IFNG-AS1: variants seen among roughly 807,000 people sequenced by gnomAD.
The protein encoded by IFNG-AS1 is IFNG antisense RNA 1 (non-protein coding).
chr12:68,001,564 C>A, intron 2 of IFNG-AS1: 1 of 183,650 alleles, frequency 5.4e-6, no homozygotes, highest in South Asian at 1.2e-4. Context: ...GGAATGGAGT[C>A]AACCGCATAC....
chr12:67,989,456 G>C (rs1025140795), upstream of IFNG-AS1: 38 of 152,074 alleles, frequency 2.5e-4, no homozygotes, highest in Non-Finnish European at 4.6e-4. Flanking sequence ...TGCAATTTCA[G>C]GTAGCTTTTC....
intron 3 of IFNG-AS1, among the ~76,000 whole-genome samples, chr12:68,014,567 T>C (rs1306787462): frequency 6.6e-6 from 1 of 152,228 alleles, no homozygotes; most frequent in African/African-American, 2.4e-5. Flanking sequence ...TTTTTTCATA[T>C]GTTTGTTGGC....
intron 3 of IFNG-AS1, among the ~76,000 whole-genome samples, chr12:68,014,044 A>C (rs1288866900): frequency 1.3e-5 from 2 of 152,224 alleles, no homozygotes; most frequent in African/African-American, 4.8e-5. Flanking sequence ...TATGATGTTT[A>C]GTATTCCATT....
At chr12:67,998,527 G>C (rs928000566) in intron 2 of IFNG-AS1, among the ~76,000 whole-genome samples, 5 of 151,892 alleles carry the variant, frequency 3.3e-5, no homozygotes, top group Admixed American at 2.0e-4. Flanking sequence ...ACAGGAAGGA[G>C]TTGGGGTGCA....
intron 2 of IFNG-AS1, among the ~76,000 whole-genome samples, chr12:67,997,628 T>C (rs1345011809): frequency 6.6e-6 from 1 of 150,514 alleles, no homozygotes; most frequent in African/African-American, 2.4e-5. Context: ...CCAGAGGCAA[T>C]TAAAAAAAAA....
At chr12:68,009,780 T>A (rs1003860199) in intron 3 of IFNG-AS1, among the ~76,000 whole-genome samples, 1 of 152,136 alleles carries the variant, frequency 6.6e-6, no homozygotes, top group African/African-American at 2.4e-5. Context: ...GGCTCCCCAA[T>A]CCCTAGGCTT....
At chr12:67,996,569 T>A (rs1433371377) in intron 2 of IFNG-AS1, among the ~76,000 whole-genome samples, 1 of 152,206 alleles carries the variant, frequency 6.6e-6, no homozygotes, top group Non-Finnish European at 1.5e-5. Flanking sequence ...TCTAGCAGTC[T>A]GCCTTCTGCT....
chr12:68,018,909 CT>C (rs1241608168), intron 3 of IFNG-AS1, among the ~76,000 whole-genome samples: 9 of 152,012 alleles, frequency 5.9e-5, no homozygotes, highest in Non-Finnish European at 1.3e-4. Context: ...CCCAGAGCAA[CT>C]TTTTTAAGAG....
At chr12:67,989,727 GGAA>G (rs55709120) in intron 1 of IFNG-AS1, 6,649 of 152,252 alleles carry the variant, frequency 0.044, 202 homozygotes, top group Non-Finnish European at 0.06. Context: ...CTGTGAGGGA[GGAA>G]GAAGAAGGAG....
At chr12:68,013,681 GT>G (rs976765936) in intron 3 of IFNG-AS1, 1 of 152,186 alleles carries the variant, frequency 6.6e-6, no homozygotes, top group African/African-American at 2.4e-5. Flanking sequence ...TGGACTTTGA[GT>G]AAAGTAGATA....
At chr12:68,004,535 C>A (rs978087902) in intron 2 of IFNG-AS1, among the ~76,000 whole-genome samples, 1 of 152,232 alleles carries the variant, frequency 6.6e-6, no homozygotes, top group Admixed American at 6.5e-5. Flanking sequence ...CCCCTCCCAG[C>A]TGATGTGTCA....
intron 4 of IFNG-AS1, chr12:68,020,825 T>A (rs935877703): frequency 6.6e-6 from 1 of 152,194 alleles, no homozygotes; most frequent in Non-Finnish European, 1.5e-5. Context: ...ACTGGTATTA[T>A]GTTAAAGGGA....
chr12:68,003,183 G>T (rs1204203969), intron 2 of IFNG-AS1, among the ~76,000 whole-genome samples: 1 of 151,942 alleles, frequency 6.6e-6, no homozygotes, highest in African/African-American at 2.4e-5. Context: ...CTCACCTCTA[G>T]CTTTTTAATC....
intron 1 of IFNG-AS1, among the ~76,000 whole-genome samples, chr12:67,995,504 C>T (rs1462721520): frequency 9.0e-5 from 13 of 145,204 alleles, no homozygotes; most frequent in Non-Finnish European, 1.8e-4. Flanking sequence ...GGGCAGATTA[C>T]GAGGTCAGGA....
chr12:68,014,815 C>G (rs912064230), intron 3 of IFNG-AS1, among the ~76,000 whole-genome samples: 3 of 142,018 alleles, frequency 2.1e-5, no homozygotes, highest in South Asian at 4.7e-4. Flanking sequence ...CACACACACA[C>G]AGACACCCTA....
chr12:68,007,803 C>A (rs1449019033), intron 3 of IFNG-AS1, among the ~76,000 whole-genome samples: 1 of 152,004 alleles, frequency 6.6e-6, no homozygotes, highest in African/African-American at 2.4e-5. Context: ...GAATAGGAGG[C>A]AGAGATAGAG....
rs7957858 is a variant in IFNG-AS1, at chr12:68,001,239, C to T, written n.185-4851C>T. Among the ~76,000 whole-genome samples, 1,022 of 152,224 alleles carry T rather than the reference C, an allele frequency of 6.7e-3. 13 individuals are homozygous for T. Among genetic ancestry groups the T allele is most frequent in the African/African-American group, 0.022 (928 of 41,526 alleles). On this transcript the variant is annotated intron_variant and non_coding_transcript_variant, in intron 2 of 5. Transcript: ENST00000536914. ...AAGTCCTCACATACTTGTTACTGAA[C>T]CAACCTAGTGCAGGGCACAGAAACA...
intron 3 of IFNG-AS1, among the ~76,000 whole-genome samples, chr12:68,016,504 C>T (rs528093469): frequency 7.2e-5 from 11 of 152,236 alleles, no homozygotes; most frequent in African/African-American, 2.6e-4. Context: ...ACATTGGGCA[C>T]ATTACTCAAC....
At chr12:67,993,368 T>C (rs1022384258) in intron 1 of IFNG-AS1, among the ~76,000 whole-genome samples, 1 of 152,174 alleles carries the variant, frequency 6.6e-6, no homozygotes, top group Non-Finnish European at 1.5e-5. Context: ...TAGAACACTA[T>C]ATAGTTATAA....
Sources: gnomAD v4.1 joint callset for allele counts (sites outside exome capture counted in the v4.1 genomes callset) on GRCh38, gnomAD v4.1.1 for gene constraint, MANE v1.5 for transcripts, NCBI Gene and HGNC (gene_info 2026-07-23, HGNC 2026-07-21) for gene names.